Variants in PRODH2 observed in about 807,000 individuals in gnomAD.
PRODH2 encodes the protein hydroxyproline dehydrogenase.
In PRODH2, 49 loss-of-function variants were observed where a neutral mutation model predicts 51.9. The ratio of observed to expected loss-of-function variants is 0.94; its 90% confidence interval spans 0.75 to 1.20. The LOEUF is 1.20. Ranked by LOEUF, PRODH2 falls within the 50% of genes most tolerant of loss-of-function variation. The pLI is 0.00. For synonymous variants in PRODH2, 249 were observed against 260.7 expected, an observed-to-expected ratio of 0.96 and a Z score of 0.43; for missense variants, 597 against 610.9, an observed-to-expected ratio of 0.98 and a Z score of 0.24.
At chr19:35,800,809 C>T (rs1972411468) in intron 9 of PRODH2, among the ~76,000 whole-genome samples, 2 of 152,130 alleles carry the variant, frequency 1.3e-5, no homozygotes, top group Non-Finnish European at 1.5e-5. Flanking sequence ...CCTCCCACCT[C>T]AGCCTCCTGA....
chr19:35,812,520 G>T lies in PRODH2; in HGVS notation c.211C>A (p.Leu71Ile). Reference sequence around the variant, plus strand: ...GATGCTCGGAGAAATGCGCCTGAGAGCCGGGAGCCCAGGAGTCGCCGAGAC... The same window carrying T: ...GATGCTCGGAGAAATGCGCCTGAGATCCGGGAGCCCAGGAGTCGCCGAGAC... ...AWSRRLLGSRLSGAFLRASVY... is the reference protein window; with the variant it reads ...AWSRRLLGSRISGAFLRASVY... The change falls in exon 2 of 10, where the codon CTC (leucine) becomes ATC (isoleucine). Residue 71 changes from leucine (L) to isoleucine (I), a missense_variant. Coordinates refer to ENST00000653904, the MANE Select transcript of PRODH2 (RefSeq NM_021232.2). The T allele has an allele frequency of 6.2e-7, 1 of 1,614,202 alleles. No homozygotes were observed. The highest frequency in any genetic ancestry group is 8.5e-7 in the Non-Finnish European group (1 of 1,180,014).
intron 7 of PRODH2, among the ~76,000 whole-genome samples, chr19:35,805,963 G>A (rs1001511532): frequency 6.6e-6 from 1 of 152,264 alleles, no homozygotes; most frequent in Non-Finnish European, 1.5e-5. Flanking sequence ...GAGGAGGCCA[G>A]TGTGGCTGTA....
intron 4 of PRODH2, among the ~76,000 whole-genome samples, chr19:35,807,623 A>G (rs1246564347): frequency 2.6e-5 from 4 of 152,026 alleles, no homozygotes; most frequent in Admixed American, 1.3e-4. Flanking sequence ...CTCTTTGAAC[A>G]CGAGGGCACC....
At chr19:35,811,745 T>C (rs1033047785) in intron 4 of PRODH2, among the ~76,000 whole-genome samples, 24 of 152,104 alleles carry the variant, frequency 1.6e-4, no homozygotes, top group African/African-American at 5.6e-4. Flanking sequence ...TCTATCCCAA[T>C]CCCTCCTCTG....
At chr19:35,803,551 G>A (rs371567204) in intron 7 of PRODH2, among the ~76,000 whole-genome samples, 1 of 152,156 alleles carries the variant, frequency 6.6e-6, no homozygotes, top group African/African-American at 2.4e-5. Context: ...CACCGCACCC[G>A]GCCCCATGTT....
At chr19:35,804,610 G>A (rs1320554801) in intron 7 of PRODH2, among the ~76,000 whole-genome samples, 1 of 152,212 alleles carries the variant, frequency 6.6e-6, no homozygotes, top group Non-Finnish European at 1.5e-5. Flanking sequence ...CCAGAGCCCA[G>A]GCTCCTTATC....
rs1972459723 is a variant in PRODH2, at chr19:35,803,120, G to T, written c.1002-42C>A. 3 of 1,418,230 alleles carry T rather than the reference G, an allele frequency of 2.1e-6. No individual in the cohort carries two copies. In the Admixed American group the frequency reaches 6.8e-5, roughly 32 times the overall value. The allele number at this position is 1,418,230 out of a possible 1,614,324, so 87.9% of individuals were successfully genotyped here. ...TGTTCAGCTCACCTGGTGAGCGAGG[G>T]TCAGGCCCCAGCGACTGGGGTGGGT... On this transcript the variant is annotated intron_variant, in intron 7 of 9. Transcript: ENST00000653904.
Position 35,800,029 on chromosome 19 carries a change from T to A in PRODH2, c.*9A>T. The A allele has an allele frequency of 1.2e-6, 2 of 1,608,210 alleles. No homozygotes were observed. Among genetic ancestry groups the A allele is most frequent in the Non-Finnish European group, 1.7e-6 (2 of 1,177,792 alleles). The stretch of plus-strand genomic sequence containing the variant: ...GACTTTTATTGACCACATGACCCCC[T>A]CAGGGGTGCTAGTGGGGTATCCTTC... On this transcript the variant is annotated 3_prime_UTR_variant, in exon 10 of 10. Coordinates refer to ENST00000653904, the MANE Select transcript of PRODH2 (RefSeq NM_021232.2).
At position 35,812,413 on chromosome 19, in the gene PRODH2, T is replaced by C. The variant is rs746420904; in HGVS notation, c.318A>G (p.Arg106=). The C allele has an allele frequency of 6.2e-7, 1 of 1,613,992 alleles. No homozygotes were observed. The highest frequency in any genetic ancestry group is 8.5e-7 in the Non-Finnish European group (1 of 1,179,888). The change falls in exon 2 of 10, where the codon CGA becomes CGG. Residue 106 remains arginine (R), a synonymous_variant. Coordinates refer to ENST00000653904, the MANE Select transcript of PRODH2 (RefSeq NM_021232.2). ...CCTCAGTGGGCACTGCCAGCAGTGG[T>C]CGGAGGCTGAGGGTCCGCAGCTGCT... ...CVQQLRTLSL[R]PLLAVPTEEE...
Position 35,803,030 on chromosome 19 carries a change from G to T in PRODH2, c.1050C>A (p.Gly350=), listed in dbSNP as rs768149342. 1.9e-6 allele frequency: 3 copies of T among 1,572,660 alleles called. No individual in the cohort carries two copies. The African/African-American group carries it at 4.0e-5, about 21-fold the overall frequency. The change falls in exon 8 of 10, where the codon GGC becomes GGA. Residue 350 remains glycine (G), a synonymous_variant. Coordinates refer to ENST00000653904, the MANE Select transcript of PRODH2 (RefSeq NM_021232.2). ...AAGCCACCATGAGGTGGCACATGGG[G>T]CCATGGCGGGCCACGTGCGTCAGCA... The part of the protein sequence containing the change: ...ELMLTHVARH[G]PMCHLMVASH...
Position 35,812,027 on chromosome 19 carries a change from T to A in PRODH2, c.532A>T (p.Arg178Ter). Residue 178 changes from arginine (R) to a stop codon, truncating the protein, a stop_gained, in exon 4 of 10, where the codon AGA becomes TGA. Coordinates refer to ENST00000653904, the MANE Select transcript of PRODH2 (RefSeq NM_021232.2). LOFTEE classifies it high-confidence loss of function. ...RLCKELASWVRRPGASLELSP... is the reference protein window; with the variant it reads ...RLCKELASWV ...AGCTCCAAGGAGGCTCCTGGCCTTC[T>A]GACCCACGAGGCTAGCTCCTTCTGA... The A allele has an allele frequency of 6.2e-7, 1 of 1,614,196 alleles. No individual in the cohort carries two copies. The highest frequency in any genetic ancestry group is 8.5e-7 in the Non-Finnish European group (1 of 1,180,024).
At chr19:35,801,319 A>G (rs1201694229) in intron 9 of PRODH2, among the ~76,000 whole-genome samples, 1 of 151,708 alleles carries the variant, frequency 6.6e-6, no homozygotes, top group African/African-American at 2.4e-5. Context: ...TACAAAAATT[A>G]GCTGGGCGTG....
chr19:35,810,189 G>A (rs1273517340), intron 4 of PRODH2, among the ~76,000 whole-genome samples: 1 of 149,422 alleles, frequency 6.7e-6, no homozygotes, highest in Non-Finnish European at 1.5e-5. Flanking sequence ...AACCCGGGAG[G>A]CGGAGGTCGC....
intron 9 of PRODH2, 26 bp downstream of exon 9, chr19:35,802,165 T>C (rs955580920): frequency 3.1e-6 from 5 of 1,607,976 alleles, no homozygotes; most frequent in Non-Finnish European, 4.3e-6. Flanking sequence ...TGGGGCTTGA[T>C]GGGGGTGGGG....
chr19:35,802,994 C>T lies in PRODH2; in HGVS notation c.1086G>A (p.Glu362=), dbSNP rs1176743359. The T allele has an allele frequency of 1.3e-6, 2 of 1,571,010 alleles. No homozygotes were observed. The highest frequency in any genetic ancestry group is 2.3e-5 in the East Asian group (1 of 43,366). The change falls in exon 8 of 10, where the codon GAG becomes GAA. Residue 362 remains glutamate, a synonymous_variant. Coordinates refer to ENST00000653904, the MANE Select transcript of PRODH2 (RefSeq NM_021232.2). The part of the protein sequence containing the change: ...MCHLMVASHN[E]ESVRQATKRM... ...GCTTGGTTGCCTGGCGAACAGATTC[C>T]TCATTGTGGGAAGCCACCATGAGGT...
chr19:35,802,469 C>T (rs1399569694), intron 8 of PRODH2, 193 bp from the exon 9 acceptor site: 6 of 623,416 alleles, frequency 9.6e-6, no homozygotes, highest in African/African-American at 1.8e-5. Context: ...CTGGAGCCCT[C>T]AGACCTCCTC....
At chr19:35,808,064 A>G (rs1235944865) in intron 4 of PRODH2, among the ~76,000 whole-genome samples, 1 of 152,150 alleles carries the variant, frequency 6.6e-6, no homozygotes, top group Non-Finnish European at 1.5e-5. Context: ...TTTGGTTTTA[A>G]TTATTGTCTC....
At chr19:35,807,910 G>C in intron 4 of PRODH2, among the ~76,000 whole-genome samples, 1 of 152,018 alleles carries the variant, frequency 6.6e-6, no homozygotes, top group East Asian at 1.9e-4. Context: ...CAAGTACCTA[G>C]TACCACAGGC....
chr19:35,800,073 G>A lies in PRODH2; in HGVS notation c.1348C>T (p.Arg450Trp), dbSNP rs752268187. The A allele has an allele frequency of 3.3e-5, 53 of 1,611,524 alleles. No individual in the cohort carries two copies. The highest frequency in any genetic ancestry group is 4.0e-5 in the African/African-American group (3 of 74,862). ...ATCCTTCGGCATCCTGGCAGCAGCC[G>A]CCGCCACAGTTCTTGGCTGAGCAGC... ...QELLSQELWR[R>W]LLPGCRRIPH Residue 450 changes from arginine to tryptophan, a missense_variant, in exon 10 of 10, where the codon CGG becomes TGG. By Grantham distance (101) the Arg-to-Trp change is moderately radical. Coordinates refer to ENST00000653904, the MANE Select transcript of PRODH2 (RefSeq NM_021232.2).
Sources: gnomAD v4.1 joint callset for allele counts (sites outside exome capture counted in the v4.1 genomes callset) on GRCh38, gnomAD v4.1.1 for gene constraint, MANE v1.5 for transcripts, NCBI Gene and HGNC (gene_info 2026-07-23, HGNC 2026-07-21) for gene names.